The following ABI3BP variants were observed in gnomAD, a reference collection of about 807,000 sequenced individuals.
The protein encoded by ABI3BP is ABI family member 3 binding protein, also known as target of Nesh-SH3.
ABI3BP carries 216 observed loss-of-function variants against 268.6 expected under a neutral mutation model. That is an observed-to-expected ratio of 0.80 (90% CI 0.72 to 0.90). The LOEUF (loss-of-function observed/expected upper bound fraction) is 0.90. Among genes scored for constraint, ABI3BP ranks in the 40% least tolerant of loss-of-function variants. ABI3BP has a pLI of 0.00. For missense variants in ABI3BP, 2,090 were observed against 2,182.4 expected, an observed-to-expected ratio of 0.96 and a Z score of 0.84; for synonymous variants, 730 against 730.0, an observed-to-expected ratio of 1.00 and a Z score of 0.00.
intron 50 of ABI3BP, among the ~76,000 whole-genome samples, chr3:100,805,372 C>T (rs976957771): frequency 1.3e-5 from 2 of 151,980 alleles, no homozygotes; most frequent in African/African-American, 4.8e-5. Flanking sequence ...ATCTTACCCG[C>T]CCTGCATTTC....
At chr3:100,801,717 G>C (rs1166368449) in intron 51 of ABI3BP, among the ~76,000 whole-genome samples, 1 of 152,024 alleles carries the variant, frequency 6.6e-6, no homozygotes, top group African/African-American at 2.4e-5. Context: ...AAATTACATA[G>C]TACATCCTTA....
intron 10 of ABI3BP, among the ~76,000 whole-genome samples, chr3:100,866,378 C>A (rs906843750): frequency 6.6e-6 from 1 of 152,136 alleles, no homozygotes; most frequent in Non-Finnish European, 1.5e-5. Flanking sequence ...TGCATTAATT[C>A]TTTGAAGGAT....
At chr3:100,834,599 G>A in intron 29 of ABI3BP, 85 bp downstream of exon 29, 5 of 1,281,040 alleles carry the variant, frequency 3.9e-6, no homozygotes, top group Non-Finnish European at 5.5e-6. Flanking sequence ...AGGGTCAAGT[G>A]GGTTATAAAG....
chr3:100,967,036 A>G (rs1417791502), intron 1 of ABI3BP, among the ~76,000 whole-genome samples: 1 of 151,910 alleles, frequency 6.6e-6, no homozygotes, highest in South Asian at 2.1e-4. Context: ...TGGTTAATTG[A>G]CTTAATGTTC....
chr3:100,855,726 C>T (rs2098931843), intron 14 of ABI3BP, among the ~76,000 whole-genome samples: 11 of 152,182 alleles, frequency 7.2e-5, no homozygotes, highest in Admixed American at 6.5e-4. Flanking sequence ...ACCTGGCATA[C>T]ACTTGTGTAG....
At chr3:100,846,676 C>T in intron 19 of ABI3BP, 1 of 358,600 alleles carries the variant, frequency 2.8e-6, no homozygotes, top group Non-Finnish European at 5.1e-6. Flanking sequence ...ATTTAATCAA[C>T]AAATATAGCA....
chr3:100,871,055 C>T (rs1561079395), intron 9 of ABI3BP, among the ~76,000 whole-genome samples: 1 of 152,002 alleles, frequency 6.6e-6, no homozygotes, highest in Admixed American at 6.6e-5. Flanking sequence ...AAATGTAGAA[C>T]AGAGGGTAAA....
At chr3:100,849,703 A>G (rs2098817244) in intron 17 of ABI3BP, among the ~76,000 whole-genome samples, 1 of 152,206 alleles carries the variant, frequency 6.6e-6, no homozygotes, top group Non-Finnish European at 1.5e-5. Context: ...CTTTGGGTAA[A>G]ATACTTTGAT....
chr3:100,813,529 C>T, intron 45 of ABI3BP, 132 bp downstream of exon 45: 1 of 601,110 alleles, frequency 1.7e-6, no homozygotes, highest in East Asian at 2.8e-5. Context: ...CAAAAAAGAG[C>T]ATTGTGCAAT....
intron 2 of ABI3BP, among the ~76,000 whole-genome samples, chr3:100,920,981 T>A (rs1187084007): frequency 1.3e-5 from 2 of 152,172 alleles, no homozygotes; most frequent in African/African-American, 4.8e-5. Flanking sequence ...TGTCCAGGAC[T>A]TTTTTCAGCT....
At chr3:100,805,853 G>GA (rs773322231) in intron 50 of ABI3BP, among the ~76,000 whole-genome samples, 3 of 152,014 alleles carry the variant, frequency 2.0e-5, no homozygotes, top group Non-Finnish European at 2.9e-5. Context: ...AAAATGATGT[G>GA]AAAATTATAC....
At chr3:100,762,964 C>G (rs1339592389) in intron 63 of ABI3BP, among the ~76,000 whole-genome samples, 1 of 152,106 alleles carries the variant, frequency 6.6e-6, no homozygotes, top group Non-Finnish European at 1.5e-5. Context: ...TAATCCTGGC[C>G]AAATCATTTA....
intron 55 of ABI3BP, among the ~76,000 whole-genome samples, chr3:100,790,564 G>A (rs1190454646): frequency 6.6e-6 from 1 of 151,954 alleles, no homozygotes; most frequent in Non-Finnish European, 1.5e-5. Context: ...TGTAAAGACT[G>A]TGATGAGCAG....
intron 33 of ABI3BP, among the ~76,000 whole-genome samples, chr3:100,829,237 T>C (rs1446260794): frequency 1.3e-5 from 2 of 151,994 alleles, no homozygotes; most frequent in African/African-American, 2.4e-5. Flanking sequence ...GTCTAGAAAA[T>C]GTTTGCCAAC....
chr3:100,844,031 T>C (rs1303431608), intron 20 of ABI3BP: 3 of 981,048 alleles, frequency 3.1e-6, no homozygotes, highest in Non-Finnish European at 3.6e-6. Flanking sequence ...AACAGTAAGG[T>C]CTATGTTTAG....
At chr3:100,906,619 C>A (rs781549101) in intron 2 of ABI3BP, among the ~76,000 whole-genome samples, 11 of 152,170 alleles carry the variant, frequency 7.2e-5, no homozygotes, top group Non-Finnish European at 1.3e-4. Flanking sequence ...GCATAGAATG[C>A]AGTTACCTTA....
chr3:100,961,344 T>C (rs2079028501), intron 1 of ABI3BP, among the ~76,000 whole-genome samples: 1 of 152,124 alleles, frequency 6.6e-6, no homozygotes, highest in Non-Finnish European at 1.5e-5. Flanking sequence ...AGGGCTCAGG[T>C]AGAAATCACA....
At chr3:100,924,955 ACGGC>A (rs2061387729) in intron 2 of ABI3BP, among the ~76,000 whole-genome samples, 1 of 152,158 alleles carries the variant, frequency 6.6e-6, no homozygotes, top group African/African-American at 2.4e-5. Flanking sequence ...GGGCAAACAC[ACGGC>A]TTCCGGTCAC....
intron 14 of ABI3BP, among the ~76,000 whole-genome samples, chr3:100,856,805 C>T (rs1232211270): frequency 1.3e-5 from 2 of 152,144 alleles, no homozygotes; most frequent in Non-Finnish European, 2.9e-5. Flanking sequence ...CTTTAGAAGT[C>T]GTGCACACAC....
Sources: allele counts gnomAD v4.1 joint callset (sites outside exome capture counted in the v4.1 genomes callset), GRCh38; gene constraint gnomAD v4.1.1; transcripts MANE v1.5; gene names NCBI Gene and HGNC (gene_info 2026-07-23, HGNC 2026-07-21).